The following DCHS1 variants were observed in gnomAD, a reference collection of about 807,000 sequenced individuals.
DCHS1 encodes the protein protocadherin-16.
DCHS1 carries 78 observed loss-of-function variants against 213.9 expected under a neutral mutation model. The ratio of observed to expected loss-of-function variants is 0.36; its 90% CI spans 0.30 to 0.44. The LOEUF is 0.44. Among genes scored for constraint, DCHS1 ranks in the 20% least tolerant of loss-of-function variants. The probability of loss-of-function intolerance (pLI) is 1.00; values close to 1 mark genes in which losing one functional copy is unlikely to be tolerated. For missense variants in DCHS1, 3,946 were observed against 4,395.9 expected (o/e 0.90, Z 2.89); for synonymous variants, 1,828 against 1,873.7 (o/e 0.98, Z 0.63).
intron 1 of DCHS1, among the ~76,000 whole-genome samples, chr11:6,648,243 A>G (rs912768005): frequency 6.6e-6 from 1 of 152,242 alleles, no homozygotes; most frequent in Admixed American, 6.5e-5. Context: ...TAGAATGTGT[A>G]GAGTGAGCAG....
chr11:6,622,093 G>T lies in DCHS1; in HGVS notation c.9583C>A (p.Pro3195Thr). ...GGTGGTGGGTCGATACGGGGAGCTGGGGGACATGGCCGAGCTTCATCCTTG... is the reference window on the plus strand; with the variant it reads ...GGTGGTGGGTCGATACGGGGAGCTGTGGGACATGGCCGAGCTTCATCCTTG... ...RLKDEARPCP[P>T]APRIDPPPLI... Residue 3195 changes from proline to threonine, a missense_variant, in exon 21 of 21, where the codon CCA becomes ACA. By Grantham distance (38) the Pro-to-Thr change is conservative. Transcript: ENST00000299441. This position sits in a 1 kb window ranked among gnomAD's most constrained non-coding sequence, Gnocchi z 5.4. 1 of 1,613,272 alleles carries T rather than the reference G, an allele frequency of 6.2e-7. No homozygotes were observed.
rs924950333 is a variant in DCHS1, at chr11:6,625,061, G to C, written c.7146+137C>G. 14 of 1,393,548 alleles carry C rather than the reference G, an allele frequency of 1.0e-5. No homozygotes were observed. The highest frequency in any genetic ancestry group is 1.3e-5 in the Non-Finnish European group (13 of 1,028,964). 86.3% of individuals were successfully genotyped at this position (1,393,548 alleles called of 1,614,324 possible). A position where few individuals can be genotyped will look rare whatever the true frequency, so the allele number is the denominator to read the frequency against. Reference sequence around the variant, plus strand: ...GTACAGGATGCAAAACCAGGATGTAGTTCACAGGACTTGGGACCTTCCCAT... The same window carrying C: ...GTACAGGATGCAAAACCAGGATGTACTTCACAGGACTTGGGACCTTCCCAT... On this transcript the variant is annotated intron_variant, in intron 19 of 20. Transcript: ENST00000299441. This position sits in a 1 kb window ranked among gnomAD's most constrained non-coding sequence, Gnocchi z 5.3.
At chr11:6,630,891 A>T in intron 9 of DCHS1, 28 bp from the exon 10 acceptor site, 1 of 1,502,004 alleles carries the variant, frequency 6.7e-7, no homozygotes, top group Non-Finnish European at 8.9e-7. Flanking sequence ...GGGAGAACAG[A>T]ATTGTGAGGG....
intron 2 of DCHS1, among the ~76,000 whole-genome samples, chr11:6,638,146 G>A (rs1185435551): frequency 1.3e-5 from 2 of 152,194 alleles, no homozygotes; most frequent in African/African-American, 4.8e-5. Context: ...CAAATATGCA[G>A]AGTCTGGCCA....
In DCHS1 at chr11:6,640,307, T is replaced by C. The variant is rs1199941079; in HGVS notation, c.1307A>G (p.Asp436Gly). Residue 436 changes from aspartate (D) to glycine (G), a missense_variant, in exon 2 of 21, where the codon GAT (aspartate) becomes GGT (glycine). This residue lies in a region of DCHS1 where 3,384 missense variants were observed against 3,780.1 expected (regional missense o/e 0.90). Coordinates refer to ENST00000299441, the MANE Select transcript of DCHS1 (RefSeq NM_003737.4). This position sits in a 1 kb window ranked among gnomAD's most constrained non-coding sequence, Gnocchi z 6.5. ...GGCTGTAACCCTCAAGTTATAGGCA[T>C]CCCTCTCCTCTCGATCCAGCCGCCG... ...VARRLDREER[D>G]AYNLRVTATD... 6.2e-7 allele frequency: 1 copy of C among 1,607,446 alleles called. No homozygotes were observed. The highest frequency in any genetic ancestry group is 1.1e-5 in the South Asian group (1 of 90,162).
At chr11:6,644,316 G>A (rs1463067859) in intron 1 of DCHS1, among the ~76,000 whole-genome samples, 1 of 152,198 alleles carries the variant, frequency 6.6e-6, no homozygotes, top group Non-Finnish European at 1.5e-5. Context: ...ATGTCTTCAT[G>A]ATCTGAGCCC....
In DCHS1 at chr11:6,625,559, C is replaced by A; in HGVS notation, c.6862+38G>T. 6.2e-7 allele frequency: 1 copy of A among 1,613,256 alleles called. No individual in the cohort carries two copies. The highest frequency in any genetic ancestry group is 8.5e-7 in the Non-Finnish European group (1 of 1,179,748). ...CTGCAGGGTGGAGAAAAATGTCTCT[C>A]TGCCACCCTTTATGCCACCCACTTT... On this transcript the variant is annotated intron_variant, in intron 18 of 20. Transcript: ENST00000299441. The surrounding 1 kb of genome is among the most constrained non-coding windows in gnomAD (Gnocchi z 5.3).
rs1855715927 is a variant in DCHS1 at position 6,622,641 on chromosome 11, C to T, written c.9035G>A (p.Gly3012Glu). ...GGGGTAGGGTCCTCCAGCTCCTGGC[C>T]CACCATAGCTGGGAAGAGTCTGGTG... is the stretch of plus-strand genomic sequence containing the variant. Reference protein sequence around the residue: ...LYHQTLPSYGGPGAGGPYPRG... With the variant: ...LYHQTLPSYGEPGAGGPYPRG... Residue 3012 changes from glycine (G) to glutamate (E), a missense_variant, in exon 21 of 21, where the codon GGG becomes GAG. Physicochemically the swap from Gly to Glu is moderately conservative, Grantham distance 98. This residue lies in a region of DCHS1 where 554 missense variants were observed against 590.2 expected (regional missense o/e 0.94). Transcript: ENST00000299441. The surrounding 1 kb of genome is among the most constrained non-coding windows in gnomAD (Gnocchi z 5.4). 1 of 1,589,146 alleles carries T rather than the reference C, an allele frequency of 6.3e-7. No homozygotes were observed. The highest frequency in any genetic ancestry group is 2.3e-5 in the East Asian group (1 of 43,694).
Position 6,633,886 on chromosome 11 carries a change from C to T in DCHS1, c.2121G>A (p.Leu707=), listed in dbSNP as rs375823358. 11 of 1,613,864 alleles carry T rather than the reference C, an allele frequency of 6.8e-6. No individual in the cohort carries two copies. In the African/African-American group the frequency reaches 1.2e-4, roughly 18 times the overall value. Residue 707 remains leucine (L), a synonymous_variant, in exon 4 of 21, where the codon TTG becomes TTA. Coordinates refer to ENST00000299441, the MANE Select transcript of DCHS1 (RefSeq NM_003737.4). ...ATCCCTGGTCAGGGTCATGGGCACG[C>T]AACCTCAGCACAGCTGTGCCTGGTG... ...QSPPGTAVLR[L]RAHDPDQGSH...
intron 1 of DCHS1, among the ~76,000 whole-genome samples, chr11:6,643,783 A>C (rs1246731955): frequency 6.6e-6 from 1 of 152,180 alleles, no homozygotes; most frequent in Non-Finnish European, 1.5e-5. Context: ...CTCTGGAGAC[A>C]CATGTCCAGC....
chr11:6,639,723 C>A, intron 2 of DCHS1, 94 bp downstream of exon 2: 2 of 1,092,752 alleles, frequency 1.8e-6, no homozygotes, highest in Non-Finnish European at 2.6e-6. Flanking sequence ...TCACCATCAA[C>A]AGATGACCTT....
At position 6,632,539 on chromosome 11, in the gene DCHS1, C is replaced by T. The variant is rs1488491611; in HGVS notation, c.2973G>A (p.Val991=). ...HFRLRVVVQD[V]GTRGLAPRFN... is the part of the protein sequence containing the mutation. ...ATCGGGGAGCCAGCCCACGGGTTCC[C>T]ACATCCTGTACCACCACCCGTAGTC... The change falls in exon 6 of 21, where the codon GTG becomes GTA. Residue 991 remains valine, a synonymous_variant. Coordinates refer to ENST00000299441, the MANE Select transcript of DCHS1 (RefSeq NM_003737.4). The surrounding 1 kb of genome is among the most constrained non-coding windows in gnomAD (Gnocchi z 5.9). 2 of 1,531,638 alleles carry T rather than the reference C, an allele frequency of 1.3e-6. No individual in the cohort carries two copies. The highest frequency in any genetic ancestry group is 1.8e-6 in the Non-Finnish European group (2 of 1,136,954). 94.9% of individuals were successfully genotyped at this position (1,531,638 alleles called of 1,614,324 possible). A position where few individuals can be genotyped will look rare whatever the true frequency, so the allele number is the denominator to read the frequency against.
In DCHS1 at chr11:6,627,271, G is replaced by A. The variant is rs779773219; in HGVS notation, c.5768C>T (p.Pro1923Leu). Reference sequence around the variant, plus strand: ...TGCACTCACAGAAAAGGTGTAGCTGGGACACTGTTCTCTGTCCAAGGCTGC... The same window carrying A: ...TGCACTCACAGAAAAGGTGTAGCTGAGACACTGTTCTCTGTCCAAGGCTGC... ...TAAALDREQC[P>L]SYTFSVSAVD... The change falls in exon 14 of 21, where the codon CCC becomes CTC. Residue 1923 changes from proline (P) to leucine (L), a missense_variant. Transcript: ENST00000299441. The surrounding 1 kb of genome is among the most constrained non-coding windows in gnomAD (Gnocchi z 5.4). 70 of 1,613,190 alleles carry A rather than the reference G, an allele frequency of 4.3e-5. No individual in the cohort carries two copies. The East Asian group carries it at 1.5e-3, about 34-fold the overall frequency.
intron 1 of DCHS1, among the ~76,000 whole-genome samples, chr11:6,643,422 G>A (rs968407028): frequency 1.3e-5 from 2 of 152,002 alleles, no homozygotes; most frequent in South Asian, 2.1e-4. Context: ...CTATGTTGGC[G>A]GCCACCTGTT....
rs1199873442 is a variant in DCHS1, at chr11:6,641,003, A to T, written c.611T>A (p.Val204Glu). 1.2e-6 allele frequency: 2 copies of T among 1,613,962 alleles called. No homozygotes were observed. The highest frequency in any genetic ancestry group is 4.5e-5 in the East Asian group (2 of 44,882). ...TTCCCCAGTAACTACCAGCTCAGGT[A>T]CTGGAGTCCCATCTGGACCGGGGCG... ...ETRPGPDGTP[V>E]PELVVTGELD... Residue 204 changes from valine to glutamate, a missense_variant, in exon 2 of 21, where the codon GTA becomes GAA. Coordinates refer to ENST00000299441, the MANE Select transcript of DCHS1 (RefSeq NM_003737.4). The surrounding 1 kb of genome is among the most constrained non-coding windows in gnomAD (Gnocchi z 7.1).
Position 6,626,242 on chromosome 11 carries a change from G to C in DCHS1, c.6503C>G (p.Ala2168Gly). The C allele has an allele frequency of 6.2e-7, 1 of 1,612,372 alleles. No homozygotes were observed. Among genetic ancestry groups the C allele is most frequent in the Non-Finnish European group, 8.5e-7 (1 of 1,179,206 alleles). ...ATAATGGGGCCGCAGGAAACGGGGAGCATTGTCGTTGGCATCTTGCAGGGT... is the reference window on the plus strand; with the variant it reads ...ATAATGGGGCCGCAGGAAACGGGGACCATTGTCGTTGGCATCTTGCAGGGT... ...TLTLQDANDNAPRFLRPHYVA... is the reference protein window; with the variant it reads ...TLTLQDANDNGPRFLRPHYVA... Residue 2168 changes from alanine to glycine, a missense_variant, in exon 16 of 21, where the codon GCT becomes GGT. Around this residue, in one of 3 missense-constraint regions of DCHS1, gnomAD observed 3,384 missense variants for 3,780.1 expected, o/e 0.90. Coordinates refer to ENST00000299441, the MANE Select transcript of DCHS1 (RefSeq NM_003737.4). The surrounding 1 kb of genome is among the most constrained non-coding windows in gnomAD (Gnocchi z 5.2).
chr11:6,641,022 C>T lies in DCHS1; in HGVS notation c.592G>A (p.Gly198Ser), dbSNP rs1038990717. The change falls in exon 2 of 21, where the codon GGT becomes AGT. Residue 198 changes from glycine (G) to serine (S), a missense_variant. Transcript: ENST00000299441. This position sits in a 1 kb window ranked among gnomAD's most constrained non-coding sequence, Gnocchi z 7.1. Reference protein sequence around the residue: ...GETFRLETRPGPDGTPVPELV... With the variant: ...GETFRLETRPSPDGTPVPELV... ...TCAGGTACTGGAGTCCCATCTGGAC[C>T]GGGGCGTGTCTCCAGCCGGAAGGTC... 3.7e-6 allele frequency: 6 copies of T among 1,613,960 alleles called. No individual in the cohort carries two copies. Among genetic ancestry groups the T allele is most frequent in the East Asian group, 2.2e-5 (1 of 44,876 alleles).
chr11:6,628,893 C>CA lies in DCHS1; in HGVS notation c.5162-64dup. 2 of 1,528,882 alleles carry CA rather than the reference C, an allele frequency of 1.3e-6. No individual in the cohort carries two copies. The highest frequency in any genetic ancestry group is 1.8e-6 in the Non-Finnish European group (2 of 1,121,678). The allele number at this position is 1,528,882 out of a possible 1,614,324, so 94.7% of individuals were successfully genotyped here. A position where few individuals can be genotyped will look rare whatever the true frequency, so the allele number is the denominator to read the frequency against. ...TCACCACATGGAGAAATCCACACCA[C>CA]ACAGTGTTCATACATGTTCACTAGG... On this transcript the variant is annotated intron_variant, in intron 12 of 20. Coordinates refer to ENST00000299441, the MANE Select transcript of DCHS1 (RefSeq NM_003737.4). The surrounding 1 kb of genome is among the most constrained non-coding windows in gnomAD (Gnocchi z 4.3).
At chr11:6,624,909 T>C (rs1407490485) in intron 19 of DCHS1, 41 bp from the exon 20 acceptor site, 1 of 1,610,362 alleles carries the variant, frequency 6.2e-7, no homozygotes, top group Non-Finnish European at 8.5e-7. Flanking sequence ...GGCTTCCCAT[T>C]TGCCCTGCTG....
Sources: allele counts gnomAD v4.1 joint callset (sites outside exome capture counted in the v4.1 genomes callset), GRCh38; gene constraint gnomAD v4.1.1; regional missense constraint gnomAD v4.1.1; non-coding constraint Gnocchi (gnomAD v3.1); transcripts MANE v1.5; gene names NCBI Gene and HGNC (gene_info 2026-07-23, HGNC 2026-07-21).